Variants in SERPINB6 observed in about 807,000 individuals in gnomAD.
SERPINB6 encodes serpin family B member 6.
Under a neutral mutation model 26.1 loss-of-function variants are expected in SERPINB6, and 16 were observed. That is an observed-to-expected ratio of 0.61 (90% confidence interval 0.42 to 0.93). SERPINB6 has a LOEUF of 0.93. SERPINB6 is among the 40% of genes least tolerant of loss of function. The pLI, the probability that SERPINB6 is intolerant of heterozygous loss-of-function variation, is 0.00. For synonymous variants in SERPINB6, 174 were observed against 176.6 expected, an observed-to-expected ratio of 0.99 and a Z score of 0.11; for missense variants, 420 against 478.0, an observed-to-expected ratio of 0.88 and a Z score of 1.13.
intron 5 of SERPINB6, among the ~76,000 whole-genome samples, chr6:2,950,390 G>A (rs1459975949): frequency 6.6e-6 from 1 of 151,848 alleles, no homozygotes; most frequent in Non-Finnish European, 1.5e-5. Flanking sequence ...AAAATTAGCT[G>A]GGCATGGTGG....
intron 1 of SERPINB6, chr6:2,971,084 G>T: frequency 8.9e-7 from 1 of 1,128,072 alleles, no homozygotes; most frequent in Non-Finnish European, 1.1e-6. Context: ...GCGGGCGAGG[G>T]GTCACCGAGG....
At chr6:2,960,945 T>A (rs1561684915) in intron 1 of SERPINB6, 1 of 151,772 alleles carries the variant, frequency 6.6e-6, no homozygotes, top group Non-Finnish European at 1.5e-5. Flanking sequence ...ATGCAAAGAA[T>A]AAAGCAAAAT....
rs765009189 is a variant in SERPINB6 at position 2,948,251 on chromosome 6, T to G, written c.*47A>C. The G allele has an allele frequency of 6.2e-7, 1 of 1,610,372 alleles. No individual in the cohort carries two copies. The highest frequency in any genetic ancestry group is 1.1e-5 in the South Asian group (1 of 90,924). On this transcript the variant is annotated 3_prime_UTR_variant, in exon 7 of 7. Transcript: ENST00000380539. This position sits in a 1 kb window ranked among gnomAD's most constrained non-coding sequence, Gnocchi z 5.0. ...TGGGTTGCAGGCACACTGTGGAGTG[T>G]CAGGGGACAGAGAGGAGAGGGGCTG...
At chr6:2,968,186 AAC>A (rs1363342486) in intron 1 of SERPINB6, 1 of 152,272 alleles carries the variant, frequency 6.6e-6, no homozygotes, top group African/African-American at 2.4e-5. Flanking sequence ...ATCCTTAGCA[AAC>A]ACACGCAGGG....
chr6:2,960,913 G>A (rs1437582043), intron 1 of SERPINB6: 1 of 152,230 alleles, frequency 6.6e-6, no homozygotes, highest in Non-Finnish European at 1.5e-5. Flanking sequence ...GGAGGGAGGG[G>A]GAGATCTCAC....
At position 2,948,796 on chromosome 6, in the gene SERPINB6, G is replaced by C; in HGVS notation, c.730-97C>G. 2 of 1,562,090 alleles carry C rather than the reference G, an allele frequency of 1.3e-6. No homozygotes were observed. The highest frequency in any genetic ancestry group is 1.8e-6 in the Non-Finnish European group (2 of 1,135,150). ...GATGCCAGACACCAGTGGCAGCGTG[G>C]CTATGGTCAGCAGCGCTCCAGTGTT... On this transcript the variant is annotated intron_variant, in intron 6 of 6. Coordinates refer to ENST00000380539, the MANE Select transcript of SERPINB6 (RefSeq NM_004568.6). This position sits in a 1 kb window ranked among gnomAD's most constrained non-coding sequence, Gnocchi z 5.0.
At chr6:2,958,314 G>A (rs3778253) in intron 2 of SERPINB6, 35,775 of 152,210 alleles carry the variant, frequency 0.24, 4,699 homozygotes, top group African/African-American at 0.35. Context: ...GGAACCACCA[G>A]GTCCAGAGGG....
chr6:2,963,838 C>G (rs1335079214), intron 1 of SERPINB6: 1 of 152,238 alleles, frequency 6.6e-6, no homozygotes, highest in African/African-American at 2.4e-5. Flanking sequence ...TGTTGTATTA[C>G]TAAAACCCTC....
intron 1 of SERPINB6, chr6:2,969,681 T>C: frequency 1.0e-6 from 1 of 985,436 alleles, no homozygotes; most frequent in Non-Finnish European, 1.2e-6. Flanking sequence ...GATGCCTTTA[T>C]TTCCTACTAA....
intron 1 of SERPINB6, chr6:2,961,814 C>T: frequency 4.1e-6 from 4 of 984,640 alleles, no homozygotes; most frequent in Non-Finnish European, 4.8e-6. Flanking sequence ...AGGGGAAGGT[C>T]CCACATGCTC....
At chr6:2,951,680 C>T (rs1348542520) in intron 5 of SERPINB6, among the ~76,000 whole-genome samples, 1 of 152,160 alleles carries the variant, frequency 6.6e-6, no homozygotes, top group Non-Finnish European at 1.5e-5. Flanking sequence ...AATCTGTGCC[C>T]TTGGAGGTAC....
chr6:2,970,249 C>T lies in SERPINB6; in HGVS notation c.-11+1284G>A, dbSNP rs946453432. On this transcript the variant is annotated intron_variant, in intron 1 of 6. Coordinates refer to ENST00000380539, the MANE Select transcript of SERPINB6 (RefSeq NM_004568.6). ...TAATTTCACTCTACTGTTACTGGTC[C>T]GTGTTAACTGTTTCATGCTGAATTG... 1.2e-5 allele frequency: 12 copies of T among 985,010 alleles called. No individual in the cohort carries two copies. The African/African-American group carries it at 1.2e-4, about 10-fold the overall frequency. The allele number at this position is 985,010 out of a possible 1,614,324, so 61.0% of individuals were successfully genotyped here. A position where few individuals can be genotyped will look rare whatever the true frequency, so the allele number is the denominator to read the frequency against.
At chr6:2,966,386 C>A (rs1169029295) in intron 1 of SERPINB6, 3 of 987,030 alleles carry the variant, frequency 3.0e-6, no homozygotes, top group Non-Finnish European at 3.6e-6. Flanking sequence ...TACTTTCCCT[C>A]CAAACACACT....
intron 5 of SERPINB6, among the ~76,000 whole-genome samples, chr6:2,951,377 A>T (rs1385820882): frequency 6.7e-6 from 1 of 149,112 alleles, no homozygotes; most frequent in East Asian, 2.0e-4. Context: ...CAAGAGAGAA[A>T]CTCTGTCTTG....
At chr6:2,955,415 C>T (rs1371249049) in intron 3 of SERPINB6, 109 bp downstream of exon 3, 1 of 1,269,292 alleles carries the variant, frequency 7.9e-7, no homozygotes, top group African/African-American at 1.5e-5. Context: ...ATTACAAAAG[C>T]CTATGTATGG....
chr6:2,959,804 G>C (rs1397768328), intron 1 of SERPINB6: 2 of 210,510 alleles, frequency 9.5e-6, no homozygotes, highest in South Asian at 1.4e-4. Flanking sequence ...TTTATAATGA[G>C]AGAGAGAATC....
chr6:2,961,713 G>A (rs1362576089), intron 1 of SERPINB6, among the ~76,000 whole-genome samples: 1 of 152,032 alleles, frequency 6.6e-6, no homozygotes, highest in African/African-American at 2.4e-5. Context: ...TCCCCAAGAG[G>A]GCTCAGCCCA....
chr6:2,959,064 A>G, intron 2 of SERPINB6, 104 bp downstream of exon 2: 1 of 1,469,846 alleles, frequency 6.8e-7, no homozygotes, highest in Non-Finnish European at 9.4e-7. Flanking sequence ...CACACCCTGC[A>G]ATACTGCACA....
intron 1 of SERPINB6, chr6:2,969,382 G>C (rs1319864587): frequency 2.1e-6 from 2 of 959,578 alleles, no homozygotes; most frequent in Non-Finnish European, 2.5e-6. Context: ...TATGTACATA[G>C]ACAAATATTT....
Sources: gnomAD v4.1 joint callset for allele counts (sites outside exome capture counted in the v4.1 genomes callset) on GRCh38, gnomAD v4.1.1 for gene constraint, Gnocchi (gnomAD v3.1) non-coding constraint, MANE v1.5 for transcripts, NCBI Gene and HGNC (gene_info 2026-07-23, HGNC 2026-07-21) for gene names.